The following DCBLD2 variants were observed in gnomAD, a reference collection of about 807,000 sequenced individuals.
DCBLD2 encodes the protein discoidin, CUB and LCCL domain containing 2.
A neutral mutation model predicts 86.8 loss-of-function variants in DCBLD2; 54 were observed. The ratio of observed to expected loss-of-function variants is 0.62; its 90% CI spans 0.50 to 0.78. The LOEUF (loss-of-function observed/expected upper bound fraction) is 0.78. Among genes scored for constraint, DCBLD2 ranks in the 30% least tolerant of loss-of-function variants. The pLI, the probability that DCBLD2 is intolerant of heterozygous loss-of-function variation, is 0.00. For missense variants in DCBLD2, 908 were observed against 954.2 expected, an observed-to-expected ratio of 0.95 and a Z score of 0.64; for synonymous variants, 354 against 341.3, an observed-to-expected ratio of 1.04 and a Z score of -0.41.
chr3:98,867,961 C>T (rs1460284596), intron 2 of DCBLD2, among the ~76,000 whole-genome samples: 1 of 152,042 alleles, frequency 6.6e-6, no homozygotes, highest in Non-Finnish European at 1.5e-5. Context: ...TGCCACCGCG[C>T]CCGGCTACTT....
chr3:98,800,912 T>C (rs1020142937), intron 14 of DCBLD2, among the ~76,000 whole-genome samples, 196 bp from the exon 15 acceptor site: 2 of 149,626 alleles, frequency 1.3e-5, no homozygotes, highest in African/African-American at 4.9e-5. Flanking sequence ...ATGGTAGAAA[T>C]CTCTATCAAA....
At position 98,797,053 on chromosome 3, in the gene DCBLD2, A is replaced by AC. The variant is rs1488907470; in HGVS notation, c.*2318_*2319insG. ...AAATGTAGTAAAAAAAAAAAAAAAA[A>AC]AAATAGAAAACCTCTACTATAAAAA... On this transcript the variant is annotated 3_prime_UTR_variant, in exon 16 of 16. Transcript: ENST00000326840. 2,426 of 145,556 alleles carry AC rather than the reference A, an allele frequency of 0.017. 52 individuals are homozygous for AC. Among genetic ancestry groups the AC allele is most frequent in the African/African-American group, 0.046 (1,808 of 39,314 alleles). The allele number at this position is 145,556 out of a possible 1,614,324, so 9.0% of individuals were successfully genotyped here.
intron 2 of DCBLD2, among the ~76,000 whole-genome samples, chr3:98,854,431 G>A (rs756925833): frequency 1.3e-5 from 2 of 152,096 alleles, no homozygotes; most frequent in Non-Finnish European, 2.9e-5. Flanking sequence ...CTGTGAATAA[G>A]CTGTCCTTTT....
In DCBLD2 at chr3:98,836,826, AC is replaced by A. The variant is rs1293466467; in HGVS notation, c.572-11461del. 5.9e-5 allele frequency among the ~76,000 whole-genome samples: 2 copies of A among 34,054 alleles called. 1 individual carries two copies. Among genetic ancestry groups the A allele is most frequent in the African/African-American group, 2.0e-4 (2 of 9,932 alleles). The allele number at this position is 34,054 out of a possible 152,430, so 22.3% of individuals were successfully genotyped here. ...GGGTGGCTGGCCGGGCAGGGGGCCGACCCCCCCACCTCCCTCCCGGACGGGG... is the reference window on the plus strand; with the variant it reads ...GGGTGGCTGGCCGGGCAGGGGGCCGACCCCCCACCTCCCTCCCGGACGGGG... On this transcript the variant is annotated intron_variant, in intron 3 of 15. Transcript: ENST00000326840.
chr3:98,814,229 C>T (rs1423607723), intron 9 of DCBLD2: 1 of 152,194 alleles, frequency 6.6e-6, no homozygotes, highest in Non-Finnish European at 1.5e-5. Context: ...GTTACAATAA[C>T]TTCCATACTA....
Position 98,884,258 on chromosome 3 carries a change from C to T in DCBLD2, c.206-2491G>A, listed in dbSNP as rs144160535. Among the ~76,000 whole-genome samples the T allele has an allele frequency of 2.0e-3, 305 of 152,120 alleles. 1 individual carries two copies. The highest frequency in any genetic ancestry group is 7.1e-3 in the African/African-American group (295 of 41,522). ...CATTAAATTTTAGCTATCTTCTATA[C>T]TTGCTTTCATTTCATACACAAGAAC... is the stretch of plus-strand genomic sequence containing the variant. On this transcript the variant is annotated intron_variant, in intron 1 of 15. Transcript: ENST00000326840.
In DCBLD2 at chr3:98,859,836, C is replaced by A. The variant is rs112317560; in HGVS notation, c.434-10238G>T. 1.3e-3 allele frequency among the ~76,000 whole-genome samples: 198 copies of A among 152,346 alleles called. 1 individual carries two copies. In the East Asian group the frequency reaches 0.016, roughly 13 times the overall value. On this transcript the variant is annotated intron_variant, in intron 2 of 15. Coordinates refer to ENST00000326840, the MANE Select transcript of DCBLD2 (RefSeq NM_080927.4). ...GAGCACCTCTCCCCCCACAAAGGAA[C>A]GCAGCTCCTCGCCAGCAACGGAACA...
At chr3:98,868,832 C>T (rs1370587991) in intron 2 of DCBLD2, among the ~76,000 whole-genome samples, 1 of 152,014 alleles carries the variant, frequency 6.6e-6, no homozygotes, top group Non-Finnish European at 1.5e-5. Context: ...ATGTTTACAT[C>T]ATATATATAT....
chr3:98,801,144 T>C (rs1941710805), intron 14 of DCBLD2, among the ~76,000 whole-genome samples: 1 of 152,182 alleles, frequency 6.6e-6, no homozygotes, highest in Non-Finnish European at 1.5e-5. Flanking sequence ...GCCCCTTTGG[T>C]GTCACTTGCA....
intron 3 of DCBLD2, among the ~76,000 whole-genome samples, chr3:98,827,538 T>C (rs1942244184): frequency 6.6e-6 from 1 of 152,182 alleles, no homozygotes; most frequent in African/African-American, 2.4e-5. Context: ...GCCATGCAAA[T>C]GTGCAACTCA....
At chr3:98,863,177 CCTCTT>C (rs1243535337) in intron 2 of DCBLD2, among the ~76,000 whole-genome samples, 1 of 152,118 alleles carries the variant, frequency 6.6e-6, no homozygotes, top group Admixed American at 6.5e-5. Context: ...ATGTGAAGGA[CCTCTT>C]CAAAGAGAAC....
At chr3:98,900,718 T>C (rs139630682) in intron 1 of DCBLD2, 138 of 205,708 alleles carry the variant, frequency 6.7e-4, no homozygotes, top group Non-Finnish European at 1.2e-3. Flanking sequence ...TTACCACCAC[T>C]TACCTTTAAT....
intron 9 of DCBLD2, among the ~76,000 whole-genome samples, chr3:98,816,816 C>A (rs905219190): frequency 1.3e-5 from 2 of 152,166 alleles, no homozygotes; most frequent in African/African-American, 4.8e-5. Flanking sequence ...GAGTCTCCCT[C>A]TGTCGCCCAG....
chr3:98,901,078 C>G (rs567706546), intron 1 of DCBLD2, 44 bp downstream of exon 1: 1 of 1,536,728 alleles, frequency 6.5e-7, no homozygotes, highest in Non-Finnish European at 8.7e-7. Flanking sequence ...ACCCGCAGCC[C>G]CGACGGAGGT....
chr3:98,836,918 G>T (rs1942472584), intron 3 of DCBLD2, among the ~76,000 whole-genome samples: 1 of 79,722 alleles, frequency 1.3e-5, no homozygotes, highest in Admixed American at 1.1e-4. Flanking sequence ...GCCGGGCGGG[G>T]GGCTGACCCC....
chr3:98,816,241 C>CAAAAA (rs561666419), intron 9 of DCBLD2: 10 of 98,008 alleles, frequency 1.0e-4, no homozygotes, highest in African/African-American at 3.7e-4. Context: ...AAGGAAAAAC[C>CAAAAA]AAAAAAAAAA....
intron 3 of DCBLD2, among the ~76,000 whole-genome samples, chr3:98,838,840 C>T (rs2107470814): frequency 6.6e-6 from 1 of 152,228 alleles, no homozygotes; most frequent in African/African-American, 2.4e-5. Context: ...CGGTTAGGGG[C>T]TGGAGACCGG....
rs553411481 is a variant in DCBLD2 at position 98,896,176 on chromosome 3, T to C, written c.205+4946A>G. Among the ~76,000 whole-genome samples the C allele has an allele frequency of 3.4e-4, 52 of 152,352 alleles. 1 individual carries two copies. In the South Asian group the frequency reaches 7.9e-3, roughly 23 times the overall value. ...TGGTGAATGATGTTTTAGTAGCCCTTGGAAATCATGAGTATCTCATCAGCT... is the reference window on the plus strand; with the variant it reads ...TGGTGAATGATGTTTTAGTAGCCCTCGGAAATCATGAGTATCTCATCAGCT... On this transcript the variant is annotated intron_variant, in intron 1 of 15. Coordinates refer to ENST00000326840, the MANE Select transcript of DCBLD2 (RefSeq NM_080927.4).
At chr3:98,830,781 T>C (rs542606092) in intron 3 of DCBLD2, among the ~76,000 whole-genome samples, 9 of 152,344 alleles carry the variant, frequency 5.9e-5, no homozygotes, top group African/African-American at 2.2e-4. Context: ...AAGAATGTCA[T>C]TGGAAGTTTG....
Sources: allele counts gnomAD v4.1 joint callset (sites outside exome capture counted in the v4.1 genomes callset), GRCh38; gene constraint gnomAD v4.1.1; transcripts MANE v1.5; gene names NCBI Gene and HGNC (gene_info 2026-07-23, HGNC 2026-07-21).